The following GABRA3 variants were observed in gnomAD, a reference collection of about 807,000 sequenced individuals.
GABRA3 encodes the protein gamma-aminobutyric acid receptor subunit alpha-3.
Under a neutral mutation model 30.1 loss-of-function variants are expected in GABRA3, and 10 were observed. That is an observed-to-expected ratio of 0.33 (90% CI 0.20 to 0.56). The LOEUF is 0.56. Ranked by LOEUF, GABRA3 falls within the 20% of genes least tolerant of loss-of-function variation. The pLI, the probability that GABRA3 is intolerant of heterozygous loss-of-function variation, is 0.89. For synonymous variants in GABRA3, 151 were observed against 146.8 expected, an observed-to-expected ratio of 1.03 and a Z score of -0.21; for missense variants, 233 against 392.0, an observed-to-expected ratio of 0.59 and a Z score of 3.42.
chrX:152,344,584 G>A (rs774082567), intron 3 of GABRA3, among the ~76,000 whole-genome samples: 2 of 111,745 alleles, frequency 1.8e-5, no homozygotes, highest in South Asian at 3.7e-4. Flanking sequence ...CACAAATTAC[G>A]TATTAATTAT....
intron 7 of GABRA3, among the ~76,000 whole-genome samples, chrX:152,203,495 A>G (rs893399219): frequency 8.9e-6 from 1 of 111,996 alleles, no homozygotes; most frequent in African/African-American, 3.2e-5. Context: ...TTAGTTTTCT[A>G]TTTATTGGTA....
chrX:152,209,641 C>A (rs1195048868), intron 6 of GABRA3, among the ~76,000 whole-genome samples: 1 of 112,423 alleles, frequency 8.9e-6, no homozygotes, highest in Non-Finnish European at 1.9e-5. Context: ...ATTGGATATA[C>A]ATTTCACAAG....
intron 5 of GABRA3, among the ~76,000 whole-genome samples, chrX:152,235,231 G>A (rs1938175101): frequency 9.0e-6 from 1 of 111,553 alleles, no homozygotes; most frequent in African/African-American, 3.3e-5. Flanking sequence ...TATTGTAAAT[G>A]AGCTTGCATT....
intron 1 of GABRA3, among the ~76,000 whole-genome samples, chrX:152,401,227 A>G (rs182118908): frequency 5.6e-5 from 6 of 107,186 alleles, no homozygotes; most frequent in African/African-American, 1.7e-4. Context: ...CAGGAGGATA[A>G]TAGTTCTTTC....
chrX:152,272,201 G>A (rs1353187675), intron 4 of GABRA3, among the ~76,000 whole-genome samples: 2 of 112,019 alleles, frequency 1.8e-5, no homozygotes, highest in African/African-American at 6.5e-5. Flanking sequence ...GCAGGCACTC[G>A]ATGCCAGCCT....
intron 1 of GABRA3, chrX:152,392,208 T>C (rs1345357703): frequency 2.6e-6 from 1 of 383,697 alleles, no homozygotes; most frequent in Non-Finnish European, 5.2e-6. Context: ...CAGACGGCAA[T>C]GTAGCAAAAG....
chrX:152,289,525 T>C (rs1939360966), intron 3 of GABRA3, among the ~76,000 whole-genome samples: 1 of 110,925 alleles, frequency 9.0e-6, no homozygotes, highest in South Asian at 3.8e-4. Context: ...TCTTTCTTTT[T>C]TTAAATTATA....
intron 3 of GABRA3, among the ~76,000 whole-genome samples, chrX:152,293,327 A>G (rs1451041208): frequency 9.0e-6 from 1 of 110,556 alleles, no homozygotes; most frequent in African/African-American, 3.3e-5. Flanking sequence ...GTCTCTTTTG[A>G]TCTTTGTTGG....
chrX:152,226,833 A>G (rs1187851584), intron 5 of GABRA3, among the ~76,000 whole-genome samples: 7 of 112,159 alleles, frequency 6.2e-5, no homozygotes, highest in Non-Finnish European at 1.1e-4. Flanking sequence ...CCACAATGAG[A>G]TACCATCTCA....
chrX:152,340,313 G>C (rs1388866088), intron 3 of GABRA3, among the ~76,000 whole-genome samples: 1 of 111,614 alleles, frequency 9.0e-6, no homozygotes, highest in Non-Finnish European at 1.9e-5. Context: ...CATTTTCCTT[G>C]TACATATATT....
At chrX:152,260,753 T>G (rs1312395296) in intron 4 of GABRA3, among the ~76,000 whole-genome samples, 1 of 111,185 alleles carries the variant, frequency 9.0e-6, no homozygotes, top group Non-Finnish European at 1.9e-5. Flanking sequence ...CCAGAAAGCC[T>G]TCCCAAAAAG....
At chrX:152,190,145 A>G (rs1258118643) in intron 8 of GABRA3, among the ~76,000 whole-genome samples, 1 of 111,524 alleles carries the variant, frequency 9.0e-6, no homozygotes, top group African/African-American at 3.3e-5. Flanking sequence ...TTGGCAGAAG[A>G]CTATATAGGC....
intron 5 of GABRA3, among the ~76,000 whole-genome samples, chrX:152,246,338 C>A (rs1938459975): frequency 9.0e-6 from 1 of 111,534 alleles, no homozygotes; most frequent in Admixed American, 9.5e-5. Context: ...CTTGTTATTT[C>A]AAGGCCATGA....
intron 1 of GABRA3, among the ~76,000 whole-genome samples, chrX:152,439,796 G>C (rs1223305729): frequency 8.9e-6 from 1 of 111,732 alleles, no homozygotes; most frequent in Non-Finnish European, 1.9e-5. Context: ...AATCCTAAAA[G>C]TAAGTGCTAA....
intron 3 of GABRA3, among the ~76,000 whole-genome samples, chrX:152,298,207 C>T (rs1474476785): frequency 1.8e-5 from 2 of 111,908 alleles, no homozygotes; most frequent in East Asian, 5.6e-4. Flanking sequence ...TTCAAGTTAA[C>T]TATGCCTCAG....
rs867510390 is a variant in GABRA3 at position 152,167,946 on chromosome X, T to G, written c.*282A>C. ...AGCGGGCAGAGTGCAATAAAATACA[T>G]GCAGTGCCCTCAGCTAGGGGAGATT... On this transcript the variant is annotated 3_prime_UTR_variant, in exon 10 of 10. Coordinates refer to ENST00000370314, the MANE Select transcript of GABRA3 (RefSeq NM_000808.4). 5.6e-6 allele frequency: 2 copies of G among 358,021 alleles called. No individual in the cohort carries two copies. The highest frequency in any genetic ancestry group is 9.6e-5 in the Admixed American group (2 of 20,884). 29.5% of individuals were successfully genotyped at this position (358,021 alleles called of 1,213,427 possible). A position where few individuals can be genotyped will look rare whatever the true frequency, so the allele number is the denominator to read the frequency against.
intron 4 of GABRA3, among the ~76,000 whole-genome samples, chrX:152,271,059 T>C (rs1938926522): frequency 9.3e-6 from 1 of 107,842 alleles, no homozygotes; most frequent in African/African-American, 3.4e-5. Flanking sequence ...CCTCCCGGGT[T>C]CAAGCGATTC....
In GABRA3 at chrX:152,239,080, G is replaced by A. The variant is rs1402459332; in HGVS notation, c.552-14235C>T. Among the ~76,000 whole-genome samples, 3 of 104,130 alleles carry A rather than the reference G, an allele frequency of 2.9e-5. No individual in the cohort carries two copies. The East Asian group carries it at 9.3e-4, about 32-fold the overall frequency. The allele number at this position is 104,130 out of a possible 115,157, so 90.4% of individuals were successfully genotyped here. A position where few individuals can be genotyped will look rare whatever the true frequency, so the allele number is the denominator to read the frequency against. On this transcript the variant is annotated intron_variant, in intron 5 of 9. Coordinates refer to ENST00000370314, the MANE Select transcript of GABRA3 (RefSeq NM_000808.4). ...TTGCTTTTCTAGTTCTTTTAATTGT[G>A]ATGTTAGGGTGTCAATTTTGGATCT...
At chrX:152,216,576 T>C (rs1036714905) in intron 6 of GABRA3, among the ~76,000 whole-genome samples, 1 of 109,647 alleles carries the variant, frequency 9.1e-6, no homozygotes, top group Non-Finnish European at 1.9e-5. Flanking sequence ...ATCATTCATA[T>C]ACATAATCTA....
Sources: allele counts gnomAD v4.1 joint callset (sites outside exome capture counted in the v4.1 genomes callset), GRCh38; gene constraint gnomAD v4.1.1; transcripts MANE v1.5; gene names NCBI Gene and HGNC (gene_info 2026-07-23, HGNC 2026-07-21).